Variants in NECTIN1 observed in about 807,000 individuals in gnomAD.
NECTIN1 encodes the protein nectin cell adhesion molecule 1.
In NECTIN1, 23 loss-of-function variants were observed where a neutral mutation model predicts 48.0. That is an observed-to-expected ratio of 0.48 (90% CI 0.34 to 0.68). NECTIN1 has a LOEUF of 0.68. Among genes scored for constraint, NECTIN1 ranks in the 30% least tolerant of loss-of-function variants. NECTIN1 has a pLI of 0.01. For missense variants in NECTIN1, 591 were observed against 709.9 expected (o/e 0.83, Z 1.90); for synonymous variants, 270 against 288.9 (o/e 0.93, Z 0.66).
At chr11:119,700,359 C>T (rs1438851102) in intron 1 of NECTIN1, among the ~76,000 whole-genome samples, 2 of 152,222 alleles carry the variant, frequency 1.3e-5, no homozygotes, top group Non-Finnish European at 2.9e-5. Flanking sequence ...GTGAAAGGGG[C>T]CTGGCTTGGG....
intron 5 of NECTIN1, among the ~76,000 whole-genome samples, chr11:119,648,006 G>C (rs1205329694): frequency 2.9e-5 from 4 of 137,514 alleles, no homozygotes. Flanking sequence ...GGAGGCTGCA[G>C]TGAGCTGAGA....
intron 1 of NECTIN1, among the ~76,000 whole-genome samples, chr11:119,716,900 C>T (rs530170032): frequency 5.3e-5 from 8 of 152,374 alleles, no homozygotes; most frequent in South Asian, 2.1e-4. Context: ...ACCTCATACA[C>T]GCACACACAC....
chr11:119,703,941 G>A (rs78264681), intron 1 of NECTIN1, among the ~76,000 whole-genome samples: 1,659 of 152,304 alleles, frequency 0.011, 25 homozygotes, highest in African/African-American at 0.038. Context: ...CTCACAGGGA[G>A]AGAGTGGCCT....
chr11:119,639,166 G>T (rs947116334), intron 6 of NECTIN1, among the ~76,000 whole-genome samples: 5 of 152,160 alleles, frequency 3.3e-5, no homozygotes, highest in Admixed American at 3.3e-4. Context: ...ACGGTATGCG[G>T]CACCGACAGC....
chr11:119,666,144 G>A (rs1240443731), intron 5 of NECTIN1, among the ~76,000 whole-genome samples: 1 of 152,232 alleles, frequency 6.6e-6, no homozygotes, highest in Non-Finnish European at 1.5e-5. Flanking sequence ...AAATGGGGGT[G>A]AAAGCATGTG....
chr11:119,650,926 T>A (rs987710008), intron 5 of NECTIN1, among the ~76,000 whole-genome samples: 2 of 152,210 alleles, frequency 1.3e-5, no homozygotes, highest in African/African-American at 2.4e-5. Context: ...ATCATATAAA[T>A]GTAAAGAATT....
chr11:119,688,348 T>C (rs1030118374), intron 1 of NECTIN1, among the ~76,000 whole-genome samples: 3 of 152,098 alleles, frequency 2.0e-5, no homozygotes, highest in African/African-American at 4.8e-5. Context: ...CCATCCCGGC[T>C]CTAAGCCCAC....
intron 1 of NECTIN1, among the ~76,000 whole-genome samples, chr11:119,697,440 C>T (rs938827350): frequency 1.3e-5 from 2 of 152,140 alleles, no homozygotes; most frequent in African/African-American, 4.8e-5. Flanking sequence ...AGGCTCAGCC[C>T]CTCTCCTTCG....
chr11:119,667,753 C>T (rs58542112), intron 5 of NECTIN1, among the ~76,000 whole-genome samples: 1 of 152,244 alleles, frequency 6.6e-6, no homozygotes, highest in Non-Finnish European at 1.5e-5. Context: ...CCTTGACCCT[C>T]TGCTTTCTTT....
Position 119,684,438 on chromosome 11 carries a change from A to C in NECTIN1, c.80-5673T>G, listed in dbSNP as rs1317275632. ...GAGGTGGGTGCTGGGCTCCGCCATA[A>C]GGGCCTCTGTGAAATCGATATCCTT... On this transcript the variant is annotated intron_variant, in intron 1 of 5. Transcript: ENST00000264025. This position sits in a 1 kb window ranked among gnomAD's most constrained non-coding sequence, Gnocchi z 5.2. Among the ~76,000 whole-genome samples the C allele has an allele frequency of 6.6e-6, 1 of 152,228 alleles. No homozygotes were observed. The highest frequency in any genetic ancestry group is 2.4e-5 in the African/African-American group (1 of 41,456).
At chr11:119,655,843 A>G (rs1401996541) in intron 5 of NECTIN1, among the ~76,000 whole-genome samples, 1 of 152,144 alleles carries the variant, frequency 6.6e-6, no homozygotes, top group African/African-American at 2.4e-5. Flanking sequence ...CATTTGAAGG[A>G]AAACCCCTGT....
intron 5 of NECTIN1, chr11:119,640,504 C>T (rs184310534): frequency 1.1e-5 from 2 of 186,970 alleles, no homozygotes; most frequent in Non-Finnish European, 2.2e-5. Context: ...GAAGGGGCAC[C>T]TGGGGGTGCC....
In NECTIN1 at chr11:119,662,453, C is replaced by G; in HGVS notation, c.*2294G>C. The G allele has an allele frequency of 1.0e-6, 1 of 985,714 alleles. No individual in the cohort carries two copies. The highest frequency in any genetic ancestry group is 4.7e-5 in the South Asian group (1 of 21,284). 61.1% of individuals were successfully genotyped at this position (985,714 alleles called of 1,614,324 possible). ...TGCTACATGGACCCCAAAATTTGTG[C>G]TTTGCTTGTGGGGAGGGTGTGGAGG... is the stretch of plus-strand genomic sequence containing the variant. On this transcript the variant is annotated 3_prime_UTR_variant, in exon 6 of 6. Coordinates refer to ENST00000264025, the MANE Select transcript of NECTIN1 (RefSeq NM_002855.5). This position sits in a 1 kb window ranked among gnomAD's most constrained non-coding sequence, Gnocchi z 5.3.
Position 119,691,526 on chromosome 11 carries a change from T to C in NECTIN1, c.80-12761A>G, listed in dbSNP as rs568796717. Among the ~76,000 whole-genome samples the C allele has an allele frequency of 3.9e-5, 6 of 152,340 alleles. No homozygotes were observed. In the East Asian group the frequency reaches 1.2e-3, roughly 29 times the overall value. Reference sequence around the variant, plus strand: ...GCACGGTGCTGCCCACTCTCTGCCTTGCTCTTGCCCCGCTACAGCAGGGCC... The same window carrying C: ...GCACGGTGCTGCCCACTCTCTGCCTCGCTCTTGCCCCGCTACAGCAGGGCC... On this transcript the variant is annotated intron_variant, in intron 1 of 5. Transcript: ENST00000264025.
chr11:119,700,652 A>G (rs949528293), intron 1 of NECTIN1, among the ~76,000 whole-genome samples: 1 of 152,190 alleles, frequency 6.6e-6, no homozygotes, highest in Non-Finnish European at 1.5e-5. Context: ...CTCAGCGGAA[A>G]TGAAACCTCT....
intron 1 of NECTIN1, among the ~76,000 whole-genome samples, chr11:119,695,911 G>A (rs1477072808): frequency 6.6e-6 from 1 of 152,170 alleles, no homozygotes; most frequent in Non-Finnish European, 1.5e-5. Flanking sequence ...TACCTATTTT[G>A]TAGATGTTGA....
Position 119,678,079 on chromosome 11 carries a change from G to A in NECTIN1, c.431-222C>T, listed in dbSNP as rs567691452. 3.3e-5 allele frequency among the ~76,000 whole-genome samples: 5 copies of A among 152,244 alleles called. No individual in the cohort carries two copies. The highest frequency in any genetic ancestry group is 6.5e-5 in the Admixed American group (1 of 15,310). On this transcript the variant is annotated intron_variant, in intron 2 of 5. Coordinates refer to ENST00000264025, the MANE Select transcript of NECTIN1 (RefSeq NM_002855.5). The surrounding 1 kb of genome is among the most constrained non-coding windows in gnomAD (Gnocchi z 4.4). ...CCCTACTAGTCATATCCCTGTCATC[G>A]AGCTTAGGCCTCCTGGAGTCCCAGC... is the stretch of plus-strand genomic sequence containing the variant.
rs1461366071 is a variant in NECTIN1 at position 119,684,252 on chromosome 11, C to G, written c.80-5487G>C. Among the ~76,000 whole-genome samples, 1 of 152,212 alleles carries G rather than the reference C, an allele frequency of 6.6e-6. No individual in the cohort carries two copies. The highest frequency in any genetic ancestry group is 1.5e-5 in the Non-Finnish European group (1 of 68,030). ...GGATTTGGGGCTTCCTGGCATAAAC[C>G]ACTTCTTTTGTCCTGGCTGTGCCAG... is the stretch of plus-strand genomic sequence containing the variant. On this transcript the variant is annotated intron_variant, in intron 1 of 5. Transcript: ENST00000264025. The surrounding 1 kb of genome is among the most constrained non-coding windows in gnomAD (Gnocchi z 5.2).
chr11:119,663,894 G>C lies in NECTIN1; in HGVS notation c.*853C>G, dbSNP rs368934157. The C allele has an allele frequency of 1.4e-4, 142 of 986,508 alleles. No individual in the cohort carries two copies. In the East Asian group the frequency reaches 2.5e-3, roughly 17 times the overall value. 61.1% of individuals were successfully genotyped at this position (986,508 alleles called of 1,614,324 possible). On this transcript the variant is annotated 3_prime_UTR_variant, in exon 6 of 6. Transcript: ENST00000264025. ...ACGGGTGGGCCTTGGGCAGTGTCTG[G>C]ATGGGGCAGGGCATGGGACTCCAGG... is the stretch of plus-strand genomic sequence containing the variant.
Sources: gnomAD v4.1 joint callset for allele counts (sites outside exome capture counted in the v4.1 genomes callset) on GRCh38, gnomAD v4.1.1 for gene constraint, Gnocchi (gnomAD v3.1) non-coding constraint, MANE v1.5 for transcripts, NCBI Gene and HGNC (gene_info 2026-07-23, HGNC 2026-07-21) for gene names.